The following CCNC variants were observed in gnomAD, a reference collection of about 807,000 sequenced individuals.
The protein encoded by CCNC is cyclin C, also known as cyclin-C.
Under a neutral mutation model 50.0 loss-of-function variants are expected in CCNC, and 19 were observed. The observed-to-expected ratio is 0.38, with a 90% confidence interval of 0.27 to 0.56. The LOEUF is 0.56. CCNC is among the 20% of genes least tolerant of loss of function. The pLI is 0.72. For synonymous variants in CCNC, 93 were observed against 103.7 expected, an observed-to-expected ratio of 0.90 and a Z score of 0.63; for missense variants, 200 against 327.1, an observed-to-expected ratio of 0.61 and a Z score of 3.00.
chr6:99,568,411 G>A lies in CCNC; in HGVS notation c.32+85C>T, dbSNP rs1436695081. On this transcript the variant is annotated intron_variant, in intron 1 of 11. Coordinates refer to ENST00000520429, the MANE Select transcript of CCNC (RefSeq NM_005190.4). ...ACCCCGGCACTCGGAACTGAGCTGG[G>A]ATCCAGGCCCAGGGGAGTCACAGGC... is the stretch of plus-strand genomic sequence containing the variant. 5 of 1,335,902 alleles carry A rather than the reference G, an allele frequency of 3.7e-6. No individual in the cohort carries two copies. In the Admixed American group the frequency reaches 7.5e-5, roughly 20 times the overall value. The allele number at this position is 1,335,902 out of a possible 1,614,324, so 82.8% of individuals were successfully genotyped here.
intron 4 of CCNC, among the ~76,000 whole-genome samples, chr6:99,560,411 C>T (rs330862): frequency 0.86 from 130,136 of 152,164 alleles, 56,349 homozygotes; most frequent in East Asian, 0.99. Flanking sequence ...ATTTAGGTAA[C>T]AGTTGGGAAA....
intron 11 of CCNC, chr6:99,544,171 G>A: frequency 1.3e-6 from 2 of 1,511,626 alleles, no homozygotes. Context: ...AACTAAAACT[G>A]AAAATACCAG....
At chr6:99,545,672 C>T (rs1802040600) in intron 10 of CCNC, among the ~76,000 whole-genome samples, 1 of 152,180 alleles carries the variant, frequency 6.6e-6, no homozygotes, top group African/African-American at 2.4e-5. Context: ...TTTGAAACAA[C>T]TAGTTAACAA....
At chr6:99,558,282 T>A (rs1802624457) in intron 5 of CCNC, 1 of 572,368 alleles carries the variant, frequency 1.7e-6, no homozygotes, top group African/African-American at 2.0e-5. Flanking sequence ...TTACTATCCA[T>A]TTTAACATTA....
chr6:99,558,146 A>G (rs1802618674), intron 5 of CCNC: 1 of 292,502 alleles, frequency 3.4e-6, no homozygotes, highest in Non-Finnish European at 6.2e-6. Context: ...AGATATTAAT[A>G]TCTACCCATA....
chr6:99,546,803 C>T (rs1043226260), intron 9 of CCNC, among the ~76,000 whole-genome samples: 3 of 152,072 alleles, frequency 2.0e-5, no homozygotes, highest in African/African-American at 4.8e-5. Flanking sequence ...ACAAAGTAGC[C>T]GTTAAACTGC....
chr6:99,558,653 C>A (rs1349020661), intron 4 of CCNC, 105 bp from the exon 5 acceptor site: 3 of 1,022,396 alleles, frequency 2.9e-6, no homozygotes, highest in East Asian at 5.1e-5. Context: ...TGTTCACCTT[C>A]TAACTACTTG....
chr6:99,546,330 C>T (rs1802068257), intron 10 of CCNC, 65 bp downstream of exon 10: 2 of 1,053,804 alleles, frequency 1.9e-6, no homozygotes, highest in African/African-American at 1.6e-5. Context: ...AGATTTTAGG[C>T]TCATGATAAG....
At chr6:99,554,244 A>G (rs1802425051) in intron 5 of CCNC, among the ~76,000 whole-genome samples, 1 of 152,100 alleles carries the variant, frequency 6.6e-6, no homozygotes, top group South Asian at 2.1e-4. Flanking sequence ...TATCACATCA[A>G]TGATACATGA....
chr6:99,555,462 G>A, intron 5 of CCNC, among the ~76,000 whole-genome samples: 1 of 151,286 alleles, frequency 6.6e-6, no homozygotes. Flanking sequence ...TTTAGGGACA[G>A]AGTCTTACTC....
intron 5 of CCNC, 160 bp downstream of exon 5, chr6:99,558,337 G>C: frequency 9.4e-7 from 1 of 1,065,412 alleles, no homozygotes; most frequent in South Asian, 2.7e-5. Context: ...CTTTTAGCTT[G>C]ATTTTTTTGC....
rs1164492541 is a variant in CCNC at position 99,543,536 on chromosome 6, T to C, written c.*19A>G. The C allele has an allele frequency of 1.8e-5, 29 of 1,612,874 alleles. No homozygotes were observed. In the Admixed American group the frequency reaches 4.7e-4, roughly 26 times the overall value. On this transcript the variant is annotated 3_prime_UTR_variant, in exon 12 of 12. Coordinates refer to ENST00000520429, the MANE Select transcript of CCNC (RefSeq NM_005190.4). Reference sequence around the variant, plus strand: ...TGGTTTATTTCCAAGTGGTCCACTATGGAATTCTTCGGAATGTTTTAAGAT... The same window carrying C: ...TGGTTTATTTCCAAGTGGTCCACTACGGAATTCTTCGGAATGTTTTAAGAT...
intron 4 of CCNC, among the ~76,000 whole-genome samples, chr6:99,559,240 G>A (rs529102329): frequency 6.6e-6 from 1 of 150,802 alleles, no homozygotes; most frequent in South Asian, 2.1e-4. Flanking sequence ...TTTAGAACAG[G>A]GAGACAGGAA....
At chr6:99,544,235 T>A in intron 11 of CCNC, 2 of 1,534,874 alleles carry the variant, frequency 1.3e-6, no homozygotes, top group African/African-American at 1.4e-5. Context: ...TCTTGCAGCT[T>A]CAGGCCCTGC....
chr6:99,561,941 A>G (rs370764532), intron 2 of CCNC: 2 of 225,766 alleles, frequency 8.9e-6, no homozygotes, highest in East Asian at 1.8e-4. Flanking sequence ...TTCATCCATT[A>G]AGGAAGTTGA....
At chr6:99,546,530 G>T in intron 9 of CCNC, 56 bp from the exon 10 acceptor site, 2 of 1,090,630 alleles carry the variant, frequency 1.8e-6, no homozygotes, top group South Asian at 1.3e-5. Flanking sequence ...CAGAATATAT[G>T]ATCTAACAAA....
intron 5 of CCNC, chr6:99,557,348 ATGT>A (rs1562492062): frequency 2.0e-5 from 3 of 152,078 alleles, no homozygotes; most frequent in African/African-American, 4.8e-5. Context: ...AGTGATAATG[ATGT>A]TGTTGTCATT....
At chr6:99,555,191 ACT>A (rs984035250) in intron 5 of CCNC, among the ~76,000 whole-genome samples, 4 of 151,954 alleles carry the variant, frequency 2.6e-5, no homozygotes, top group African/African-American at 9.7e-5. Context: ...TTACTCTTAC[ACT>A]CTTAATCATT....
chr6:99,544,223 C>A (rs1221982927), intron 11 of CCNC: 118 of 1,534,590 alleles, frequency 7.7e-5, no homozygotes, highest in Non-Finnish European at 9.9e-5. Flanking sequence ...TGTCCACCAT[C>A]ATCTTGCAGC....
Sources: gnomAD v4.1 joint callset for allele counts (sites outside exome capture counted in the v4.1 genomes callset) on GRCh38, gnomAD v4.1.1 for gene constraint, MANE v1.5 for transcripts, NCBI Gene and HGNC (gene_info 2026-07-23, HGNC 2026-07-21) for gene names.